The following ABR variants were observed in gnomAD, a reference collection of about 807,000 sequenced individuals.
ABR encodes the protein ABR activator of RhoGEF and GTPase, also known as active breakpoint cluster region-related protein.
Under a neutral mutation model 107.2 loss-of-function variants are expected in ABR, and 35 were observed. That is an observed-to-expected ratio of 0.33 (90% confidence interval 0.25 to 0.43). ABR has a LOEUF of 0.43. ABR is among the 20% of genes least tolerant of loss of function. The pLI is 1.00. For synonymous variants in ABR, 498 were observed against 462.0 expected (o/e 1.08, Z -1.00); for missense variants, 815 against 1,115.2 (o/e 0.73, Z 3.83).
At position 1,092,092 on chromosome 17, in the gene ABR, G is replaced by A. The variant is rs887415764; in HGVS notation, c.346-242C>T. 1.5e-4 allele frequency among the ~76,000 whole-genome samples: 23 copies of A among 152,132 alleles called. No individual in the cohort carries two copies. Among genetic ancestry groups the A allele is most frequent in the African/African-American group, 5.6e-4 (23 of 41,432 alleles). ...GTGCCAGGCCCGAGGGGTGGTGCCT[G>A]GGCTCACTCCCCTACCACGCAGCTG... is the stretch of plus-strand genomic sequence containing the variant. On this transcript the variant is annotated intron_variant, in intron 3 of 22. Transcript: ENST00000302538. The surrounding 1 kb of genome is among the most constrained non-coding windows in gnomAD (Gnocchi z 4.6).
At chr17:1,104,554 A>G (rs1236899303) in intron 2 of ABR, among the ~76,000 whole-genome samples, 1 of 152,202 alleles carries the variant, frequency 6.6e-6, no homozygotes, top group African/African-American at 2.4e-5. Context: ...AGTACCCAGC[A>G]GGATCTGCTC....
At chr17:1,029,237 G>A (rs920557494) in intron 16 of ABR, among the ~76,000 whole-genome samples, 6 of 151,978 alleles carry the variant, frequency 3.9e-5, no homozygotes, top group African/African-American at 1.5e-4. Flanking sequence ...AAAGCTGACT[G>A]CCAAGTCAGG....
intron 6 of ABR, 88 bp downstream of exon 6, chr17:1,079,240 CAA>C (rs2036012568): frequency 1.3e-6 from 2 of 1,540,514 alleles, no homozygotes; most frequent in Non-Finnish European, 1.8e-6. Flanking sequence ...CACGCACACA[CAA>C]GGGGAAGGGC....
chr17:1,193,589 G>A (rs917023553), intron 1 of ABR, among the ~76,000 whole-genome samples: 5 of 124,010 alleles, frequency 4.0e-5, no homozygotes, highest in African/African-American at 1.3e-4. Flanking sequence ...ACCAGATGCC[G>A]CCCGACATTC....
At chr17:1,132,040 C>T (rs946797731) in intron 1 of ABR, among the ~76,000 whole-genome samples, 2 of 152,174 alleles carry the variant, frequency 1.3e-5, no homozygotes, top group African/African-American at 4.8e-5. Context: ...CCTCTTTGCA[C>T]ACACTGCTCC....
At chr17:1,053,702 TA>T (rs1312830882) in intron 14 of ABR, among the ~76,000 whole-genome samples, 1 of 151,122 alleles carries the variant, frequency 6.6e-6, no homozygotes, top group Non-Finnish European at 1.5e-5. Flanking sequence ...AATCTGGGGG[TA>T]AAGAGAGATT....
At chr17:1,170,260 A>T (rs1255195682) in intron 1 of ABR, among the ~76,000 whole-genome samples, 1 of 152,016 alleles carries the variant, frequency 6.6e-6, no homozygotes, top group Non-Finnish European at 1.5e-5. Flanking sequence ...CTAGCTAGAG[A>T]AATGAACCCA....
chr17:1,021,268 C>T (rs2071604087), intron 16 of ABR, among the ~76,000 whole-genome samples: 1 of 152,232 alleles, frequency 6.6e-6, no homozygotes, highest in Non-Finnish European at 1.5e-5. Context: ...GCCAGGGCCC[C>T]AAGAGCTCCC....
intron 2 of ABR, among the ~76,000 whole-genome samples, chr17:1,103,230 C>A (rs1055553809): frequency 6.6e-6 from 1 of 152,118 alleles, no homozygotes; most frequent in African/African-American, 2.4e-5. Flanking sequence ...CAGGTGTTAT[C>A]ATCTTCCTGA....
chr17:1,156,883 C>G (rs994624126), intron 1 of ABR, among the ~76,000 whole-genome samples: 4 of 152,132 alleles, frequency 2.6e-5, no homozygotes, highest in Non-Finnish European at 5.9e-5. Flanking sequence ...TGAGAAGTGG[C>G]TCTTCCGTCC....
intron 1 of ABR, among the ~76,000 whole-genome samples, chr17:1,226,778 CAG>C (rs1368578003): frequency 6.7e-6 from 1 of 149,568 alleles, no homozygotes; most frequent in East Asian, 2.4e-4. Flanking sequence ...ATGCATGTGA[CAG>C]TGTACCATGT....
intron 10 of ABR, among the ~76,000 whole-genome samples, chr17:1,063,036 C>G (rs2034225188): frequency 7.2e-6 from 1 of 139,204 alleles, no homozygotes; most frequent in Non-Finnish European, 1.6e-5. Flanking sequence ...GCATGTTCCT[C>G]TAGACGCTGT....
upstream of ABR, among the ~76,000 whole-genome samples, chr17:1,191,230 C>A (rs983166273): frequency 6.6e-6 from 1 of 152,170 alleles, no homozygotes; most frequent in Non-Finnish European, 1.5e-5. Context: ...GAAAGCCACC[C>A]CAGCAGACGG....
At chr17:1,122,845 G>A (rs541231179) in intron 2 of ABR, among the ~76,000 whole-genome samples, 4 of 152,292 alleles carry the variant, frequency 2.6e-5, no homozygotes, top group South Asian at 2.1e-4. Flanking sequence ...TGGGCTTCCC[G>A]TTGGCTGCAT....
intron 1 of ABR, among the ~76,000 whole-genome samples, chr17:1,175,863 G>A (rs1273913187): frequency 9.2e-5 from 14 of 152,014 alleles, no homozygotes; most frequent in African/African-American, 3.1e-4. Context: ...AGGCCGAGGC[G>A]GGTGGATCAC....
chr17:1,195,293 T>C (rs1323313329), intron 1 of ABR, among the ~76,000 whole-genome samples: 1 of 86,948 alleles, frequency 1.2e-5, no homozygotes, highest in Non-Finnish European at 2.5e-5. Context: ...GGCGACAGAA[T>C]GAGACTGTCT....
At chr17:1,193,990 G>A (rs1464606802) in intron 1 of ABR, among the ~76,000 whole-genome samples, 1 of 152,168 alleles carries the variant, frequency 6.6e-6, no homozygotes, top group African/African-American at 2.4e-5. Flanking sequence ...CCCGCGCCTG[G>A]CCACTGCAGC....
rs2072340412 is a variant in ABR at position 1,027,851 on chromosome 17, G to A, written c.1792-14687C>T. On this transcript the variant is annotated intron_variant, in intron 16 of 22. Transcript: ENST00000302538. This position sits in a 1 kb window ranked among gnomAD's most constrained non-coding sequence, Gnocchi z 4.7. Reference sequence around the variant, plus strand: ...CCAGGCCAGACTTCTATTGCAGAAGGCTGCGAGATCTTTCCTGACGCCCAG... The same window carrying A: ...CCAGGCCAGACTTCTATTGCAGAAGACTGCGAGATCTTTCCTGACGCCCAG... Among the ~76,000 whole-genome samples, 2 of 152,056 alleles carry A rather than the reference G, an allele frequency of 1.3e-5. No individual in the cohort carries two copies.
intron 2 of ABR, among the ~76,000 whole-genome samples, chr17:1,122,987 G>C (rs1217080626): frequency 6.6e-6 from 1 of 152,172 alleles, no homozygotes; most frequent in African/African-American, 2.4e-5. Flanking sequence ...GGTAGGGGAG[G>C]GGACCTGTTT....
Sources: allele counts gnomAD v4.1 joint callset (sites outside exome capture counted in the v4.1 genomes callset), GRCh38; gene constraint gnomAD v4.1.1; non-coding constraint Gnocchi (gnomAD v3.1); transcripts MANE v1.5; gene names NCBI Gene and HGNC (gene_info 2026-07-23, HGNC 2026-07-21).